The following FAM168A variants were observed in gnomAD, a reference collection of about 807,000 sequenced individuals.
FAM168A encodes protein FAM168A.
In FAM168A, 3 loss-of-function variants were observed where a neutral mutation model predicts 28.5. That is an observed-to-expected ratio of 0.11 (90% CI 0.05 to 0.27). The LOEUF is 0.27. Ranked by LOEUF, FAM168A falls within the 10% of genes least tolerant of loss-of-function variation. FAM168A has a pLI of 1.00. For missense variants in FAM168A, 222 were observed against 311.5 expected (o/e 0.71, Z 2.16); for synonymous variants, 122 against 124.2 (o/e 0.98, Z 0.12).
intron 3 of FAM168A, among the ~76,000 whole-genome samples, chr11:73,426,558 C>T (rs1223040893): frequency 2.0e-5 from 3 of 152,214 alleles, no homozygotes; most frequent in South Asian, 4.1e-4. Flanking sequence ...GAGTAACCTA[C>T]ACTGTCCTTT....
chr11:73,478,146 T>C (rs572357785), intron 1 of FAM168A, among the ~76,000 whole-genome samples: 1 of 152,360 alleles, frequency 6.6e-6, no homozygotes, highest in South Asian at 2.1e-4. Flanking sequence ...TTCTACATTT[T>C]ACTGAATTAC....
intron 2 of FAM168A, among the ~76,000 whole-genome samples, chr11:73,461,043 G>A (rs1231817533): frequency 6.6e-6 from 1 of 152,168 alleles, no homozygotes; most frequent in Admixed American, 6.5e-5. Flanking sequence ...TGAAAAACTA[G>A]TCAATATTCA....
At chr11:73,469,911 TTTTG>T (rs1415332945) in intron 1 of FAM168A, among the ~76,000 whole-genome samples, 1 of 152,066 alleles carries the variant, frequency 6.6e-6, no homozygotes, top group Non-Finnish European at 1.5e-5. Context: ...GATTTTTTGT[TTTTG>T]TTTTTGTTTT....
chr11:73,545,493 C>T (rs1422663743), intron 1 of FAM168A, among the ~76,000 whole-genome samples: 2 of 151,690 alleles, frequency 1.3e-5, no homozygotes, highest in African/African-American at 2.4e-5. Context: ...CAATAGGTAA[C>T]GAAAATATTC....
intron 1 of FAM168A, among the ~76,000 whole-genome samples, chr11:73,518,133 AC>A (rs1943328067): frequency 6.6e-6 from 1 of 152,206 alleles, no homozygotes; most frequent in Admixed American, 6.5e-5. Context: ...TGAACTCCTG[AC>A]TTTTACACCG....
At chr11:73,593,946 C>T (rs919031542) in intron 1 of FAM168A, among the ~76,000 whole-genome samples, 4 of 152,224 alleles carry the variant, frequency 2.6e-5, no homozygotes, top group African/African-American at 9.6e-5. Context: ...TCCCATGACA[C>T]TGAAAGCTCC....
intron 1 of FAM168A, among the ~76,000 whole-genome samples, chr11:73,503,800 C>T (rs905890779): frequency 6.6e-5 from 10 of 152,084 alleles, no homozygotes; most frequent in Admixed American, 2.0e-4. Context: ...GTACTGCTAC[C>T]AAAACATAGA....
intron 1 of FAM168A, among the ~76,000 whole-genome samples, chr11:73,590,848 G>A (rs1944372593): frequency 6.6e-6 from 1 of 152,038 alleles, no homozygotes. Flanking sequence ...TAAATAGGTT[G>A]AAGACTACTG....
At chr11:73,408,531 G>C (rs1249228161) in intron 6 of FAM168A, among the ~76,000 whole-genome samples, 1 of 152,140 alleles carries the variant, frequency 6.6e-6, no homozygotes, top group Non-Finnish European at 1.5e-5. Flanking sequence ...TGTTACCCCA[G>C]TATTTGGGAG....
intron 2 of FAM168A, among the ~76,000 whole-genome samples, chr11:73,439,470 T>C (rs1296500009): frequency 6.6e-6 from 1 of 152,210 alleles, no homozygotes; most frequent in Admixed American, 6.5e-5. Flanking sequence ...CTTCCTATGT[T>C]ATTAGTGTAC....
intron 1 of FAM168A, among the ~76,000 whole-genome samples, chr11:73,536,897 T>C (rs1943589913): frequency 6.6e-6 from 1 of 152,168 alleles, no homozygotes; most frequent in South Asian, 2.1e-4. Context: ...ATGAAGGCAC[T>C]AAAATAAAGA....
At chr11:73,463,757 C>T (rs1027663168) in intron 2 of FAM168A, among the ~76,000 whole-genome samples, 2 of 152,052 alleles carry the variant, frequency 1.3e-5, no homozygotes, top group Non-Finnish European at 1.5e-5. Flanking sequence ...ATTATGGAGG[C>T]AATGAAAGCT....
At chr11:73,565,439 G>A (rs1286919074) in intron 1 of FAM168A, among the ~76,000 whole-genome samples, 4 of 152,122 alleles carry the variant, frequency 2.6e-5, no homozygotes, top group Non-Finnish European at 5.9e-5. Context: ...TAAATAAAGG[G>A]TTTGCATCGG....
At chr11:73,477,563 A>G (rs952379188) in intron 1 of FAM168A, among the ~76,000 whole-genome samples, 1 of 152,184 alleles carries the variant, frequency 6.6e-6, no homozygotes, top group Non-Finnish European at 1.5e-5. Flanking sequence ...AAACTTCTAA[A>G]AGTCAAAGAG....
chr11:73,514,607 G>A (rs1220021047), intron 1 of FAM168A, among the ~76,000 whole-genome samples: 2 of 151,938 alleles, frequency 1.3e-5, no homozygotes, highest in African/African-American at 4.8e-5. Context: ...CAAAGCAGGT[G>A]GATCACTTGA....
At chr11:73,509,975 C>G (rs2134635714) in intron 1 of FAM168A, among the ~76,000 whole-genome samples, 1 of 152,262 alleles carries the variant, frequency 6.6e-6, no homozygotes, top group Middle Eastern at 3.4e-3. Context: ...CCTTTACCGC[C>G]ATTCACTTAA....
At chr11:73,547,239 A>C (rs1943770387) in intron 1 of FAM168A, among the ~76,000 whole-genome samples, 1 of 151,990 alleles carries the variant, frequency 6.6e-6, no homozygotes, top group African/African-American at 2.4e-5. Context: ...AAGAAATACA[A>C]ATAGCTAACA....
chr11:73,544,748 AT>A (rs1330713439), intron 1 of FAM168A, among the ~76,000 whole-genome samples: 2 of 115,378 alleles, frequency 1.7e-5, no homozygotes, highest in African/African-American at 3.5e-5. Context: ...ATAATTATAT[AT>A]TTTATATGTA....
At chr11:73,551,037 G>A (rs1218609156) in intron 1 of FAM168A, among the ~76,000 whole-genome samples, 1 of 151,900 alleles carries the variant, frequency 6.6e-6, no homozygotes, top group Non-Finnish European at 1.5e-5. Flanking sequence ...CATGAACCCA[G>A]GAGGTGGAGC....
Sources: allele counts gnomAD v4.1 joint callset (sites outside exome capture counted in the v4.1 genomes callset), GRCh38; gene constraint gnomAD v4.1.1; transcripts MANE v1.5; gene names NCBI Gene and HGNC (gene_info 2026-07-23, HGNC 2026-07-21).